Variants in DNAJC11 observed in about 807,000 individuals in gnomAD.
DNAJC11 encodes the protein DnaJ heat shock protein family (Hsp40) member C11, also known as dnaJ homolog subfamily C member 11.
Under a neutral mutation model 78.6 loss-of-function variants are expected in DNAJC11, and 15 were observed. The ratio of observed to expected loss-of-function variants is 0.19; its 90% CI spans 0.13 to 0.29. DNAJC11 has a LOEUF of 0.29. DNAJC11 is among the 10% of genes least tolerant of loss of function. The probability of loss-of-function intolerance (pLI) is 1.00; values close to 1 mark genes in which losing one functional copy is unlikely to be tolerated. For synonymous variants in DNAJC11, 292 were observed against 272.1 expected, an observed-to-expected ratio of 1.07 and a Z score of -0.72; for missense variants, 547 against 709.6, an observed-to-expected ratio of 0.77 and a Z score of 2.60.
intron 1 of DNAJC11, among the ~76,000 whole-genome samples, chr1:6,696,240 T>C (rs998044259): frequency 6.6e-6 from 1 of 152,264 alleles, no homozygotes; most frequent in Non-Finnish European, 1.5e-5. Flanking sequence ...CAGAGCCATC[T>C]TTATTTTTTA....
intron 4 of DNAJC11, among the ~76,000 whole-genome samples, chr1:6,656,822 G>T (rs1473288097): frequency 2.0e-5 from 3 of 152,022 alleles, no homozygotes; most frequent in African/African-American, 4.8e-5. Flanking sequence ...ACTGGGAGGT[G>T]GGAGGATTCC....
At position 6,678,576 on chromosome 1, in the gene DNAJC11, T is replaced by C. The variant is rs1287399469; in HGVS notation, c.203-109A>G. On this transcript the variant is annotated intron_variant, in intron 2 of 15. Coordinates refer to ENST00000377577, the MANE Select transcript of DNAJC11 (RefSeq NM_018198.4). ...CCCATCTCCTGTTCTCCCTGTCTGATCACAATCTTCCTAGAGACCCCTTTC... is the reference window on the plus strand; with the variant it reads ...CCCATCTCCTGTTCTCCCTGTCTGACCACAATCTTCCTAGAGACCCCTTTC... The C allele has an allele frequency of 3.5e-6, 3 of 848,138 alleles. No homozygotes were observed. In the African/African-American group the frequency reaches 5.1e-5, roughly 15 times the overall value. 52.5% of individuals were successfully genotyped at this position (848,138 alleles called of 1,614,324 possible).
At chr1:6,638,186 C>A in intron 12 of DNAJC11, 109 bp downstream of exon 12, 1 of 1,096,258 alleles carries the variant, frequency 9.1e-7, no homozygotes, top group Non-Finnish European at 1.3e-6. Context: ...AGTGGAGAGC[C>A]AAGTTGTTGG....
intron 4 of DNAJC11, among the ~76,000 whole-genome samples, chr1:6,662,924 C>T (rs537420251): frequency 5.3e-5 from 8 of 152,152 alleles, no homozygotes; most frequent in East Asian, 1.9e-4. Flanking sequence ...ACTCTGGGTC[C>T]GCACCACCTT....
intron 3 of DNAJC11, among the ~76,000 whole-genome samples, chr1:6,671,885 A>C (rs1333174716): frequency 6.6e-6 from 1 of 151,710 alleles, no homozygotes; most frequent in African/African-American, 2.4e-5. Flanking sequence ...CCTAGACTGG[A>C]GTGCAGCGAT....
intron 1 of DNAJC11, among the ~76,000 whole-genome samples, chr1:6,694,297 G>A (rs1179549196): frequency 1.3e-5 from 2 of 152,026 alleles, no homozygotes; most frequent in African/African-American, 2.4e-5. Flanking sequence ...GCTCCAAGAC[G>A]GATCTCTTGA....
At chr1:6,646,289 G>A (rs370180669) in intron 7 of DNAJC11, among the ~76,000 whole-genome samples, 13 of 152,172 alleles carry the variant, frequency 8.5e-5, no homozygotes, top group African/African-American at 3.1e-4. Context: ...ATGGATGGGG[G>A]CCGAGGAGTG....
chr1:6,690,392 A>G (rs758434990), intron 1 of DNAJC11, among the ~76,000 whole-genome samples: 2 of 152,196 alleles, frequency 1.3e-5, no homozygotes, highest in Admixed American at 6.5e-5. Flanking sequence ...TACGACAGTA[A>G]AACTGTCTGG....
intron 1 of DNAJC11, among the ~76,000 whole-genome samples, chr1:6,697,588 C>T (rs565100444): frequency 6.7e-6 from 1 of 150,352 alleles, no homozygotes; most frequent in Non-Finnish European, 1.5e-5. Context: ...GCTTGCCCGA[C>T]GCTAACCGCT....
Position 6,635,458 on chromosome 1 carries a change from GCAGTCTGGTTCC to G in DNAJC11, c.*205_*216del. The G allele has an allele frequency of 1.8e-6, 1 of 542,484 alleles. No homozygotes were observed. The highest frequency in any genetic ancestry group is 2.5e-5 in the South Asian group (1 of 40,720). 33.6% of individuals were successfully genotyped at this position (542,484 alleles called of 1,614,324 possible). On this transcript the variant is annotated 3_prime_UTR_variant, in exon 16 of 16. Transcript: ENST00000377577. ...TGGGAAAACAGCCATGGGCCAGGCTGCAGTCTGGTTCCCAGTGGGGCTGCCTCAGTCCTACCC... is the reference window on the plus strand; with the variant it reads ...TGGGAAAACAGCCATGGGCCAGGCTGCAGTGGGGCTGCCTCAGTCCTACCC...
At chr1:6,667,680 G>A (rs779323769) in intron 4 of DNAJC11, 29 bp downstream of exon 4, 17 of 1,569,968 alleles carry the variant, frequency 1.1e-5, no homozygotes, top group Middle Eastern at 1.7e-4. Flanking sequence ...TTCATGAAGT[G>A]TCCTCATGAA....
At chr1:6,657,730 T>C (rs1034603516) in intron 4 of DNAJC11, among the ~76,000 whole-genome samples, 4 of 152,298 alleles carry the variant, frequency 2.6e-5, no homozygotes, top group African/African-American at 7.2e-5. Context: ...CTGCAAGCTC[T>C]GCCTCCTGGG....
chr1:6,650,672 G>A (rs1274607245), intron 7 of DNAJC11, among the ~76,000 whole-genome samples: 8 of 151,878 alleles, frequency 5.3e-5, no homozygotes, highest in Non-Finnish European at 8.8e-5. Flanking sequence ...TCAGGAGTTC[G>A]AGACCAGCCT....
intron 1 of DNAJC11, among the ~76,000 whole-genome samples, chr1:6,695,769 T>C (rs1028323403): frequency 6.0e-5 from 9 of 150,832 alleles, no homozygotes; most frequent in Non-Finnish European, 7.4e-5. Context: ...GATTGCGCCA[T>C]TGCACTCCAG....
intron 4 of DNAJC11, among the ~76,000 whole-genome samples, chr1:6,664,150 C>A (rs961646416): frequency 6.6e-6 from 1 of 152,200 alleles, no homozygotes; most frequent in African/African-American, 2.4e-5. Context: ...ACATTCCACA[C>A]TAGTCCATAT....
chr1:6,651,467 C>G lies in DNAJC11; in HGVS notation c.704+62G>C, dbSNP rs1168872904. 2.8e-6 allele frequency: 4 copies of G among 1,411,490 alleles called. No individual in the cohort carries two copies. The Admixed American group carries it at 7.2e-5, about 25-fold the overall frequency. The allele number at this position is 1,411,490 out of a possible 1,614,324, so 87.4% of individuals were successfully genotyped here. A position where few individuals can be genotyped will look rare whatever the true frequency, so the allele number is the denominator to read the frequency against. ...CAACCACTGTGATAAAAAGAACACACAGTTCTAGTCTCCTAAGCCAACAAA... is the reference window on the plus strand; with the variant it reads ...CAACCACTGTGATAAAAAGAACACAGAGTTCTAGTCTCCTAAGCCAACAAA... On this transcript the variant is annotated intron_variant, in intron 7 of 15. Transcript: ENST00000377577.
intron 7 of DNAJC11, among the ~76,000 whole-genome samples, chr1:6,647,006 A>G (rs1263618296): frequency 6.6e-6 from 1 of 151,672 alleles, no homozygotes; most frequent in Non-Finnish European, 1.5e-5. Context: ...AAAGACACAA[A>G]ATTAGCCAGG....
chr1:6,638,258 T>C, intron 12 of DNAJC11, 37 bp downstream of exon 12: 1 of 1,601,816 alleles, frequency 6.2e-7, no homozygotes, highest in Non-Finnish European at 8.5e-7. Flanking sequence ...GTGTGTCCCC[T>C]ACAGCCCTCG....
intron 1 of DNAJC11, among the ~76,000 whole-genome samples, chr1:6,685,246 A>C (rs1256458165): frequency 6.6e-6 from 1 of 152,250 alleles, no homozygotes; most frequent in Non-Finnish European, 1.5e-5. Flanking sequence ...AGTGGTTCTC[A>C]AAGTGTGGTC....
Sources: gnomAD v4.1 joint callset for allele counts (sites outside exome capture counted in the v4.1 genomes callset) on GRCh38, gnomAD v4.1.1 for gene constraint, MANE v1.5 for transcripts, NCBI Gene and HGNC (gene_info 2026-07-23, HGNC 2026-07-21) for gene names.